SLC16A7: variants seen among roughly 807,000 people sequenced by gnomAD.
SLC16A7 encodes solute carrier family 16 member 7.
A neutral mutation model predicts 34.9 loss-of-function variants in SLC16A7; 33 were observed. The observed-to-expected ratio is 0.94, with a 90% CI of 0.72 to 1.26. The LOEUF is 1.26. Ranked by LOEUF, SLC16A7 falls within the 50% of genes most tolerant of loss-of-function variation. The pLI, the probability that SLC16A7 is intolerant of heterozygous loss-of-function variation, is 0.00. For synonymous variants in SLC16A7, 201 were observed against 206.6 expected (o/e 0.97, Z 0.23); for missense variants, 573 against 578.1 (o/e 0.99, Z 0.09).
chr12:59,654,345 T>A (rs1026774399), intron 1 of SLC16A7, among the ~76,000 whole-genome samples: 1 of 151,754 alleles, frequency 6.6e-6, no homozygotes, highest in South Asian at 2.1e-4. Flanking sequence ...CATGTTGTTG[T>A]CATTTCATTG....
intron 3 of SLC16A7, among the ~76,000 whole-genome samples, chr12:59,710,437 T>C (rs949322887): frequency 9.2e-5 from 14 of 152,138 alleles, no homozygotes; most frequent in African/African-American, 3.4e-4. Flanking sequence ...AAAACAGGGA[T>C]GAAAGGGGAC....
chr12:59,646,294 G>A lies in SLC16A7; in HGVS notation c.-129-8858G>A, dbSNP rs143444698. ...CCTGGGCTGGGCCCAGGGCCCCCCTGCTGTGTGCAGCCTCAAGACTGGATG... is the reference window on the plus strand; with the variant it reads ...CCTGGGCTGGGCCCAGGGCCCCCCTACTGTGTGCAGCCTCAAGACTGGATG... On this transcript the variant is annotated intron_variant, in intron 1 of 5. Coordinates refer to ENST00000547379, the MANE Select transcript of SLC16A7 (RefSeq NM_001270623.2). Among the ~76,000 whole-genome samples, 586 of 152,276 alleles carry A rather than the reference G, an allele frequency of 3.8e-3. 3 individuals carry two copies. The highest frequency in any genetic ancestry group is 0.013 in the African/African-American group (558 of 41,568).
At chr12:59,758,141 T>C (rs1276543004) in intron 3 of SLC16A7, among the ~76,000 whole-genome samples, 1 of 152,028 alleles carries the variant, frequency 6.6e-6, no homozygotes, top group African/African-American at 2.4e-5. Context: ...GGGTCAATTG[T>C]ATGTAATTTT....
intron 1 of SLC16A7, among the ~76,000 whole-genome samples, chr12:59,651,520 T>C (rs1868342092): frequency 6.6e-6 from 1 of 152,236 alleles, no homozygotes; most frequent in Non-Finnish European, 1.5e-5. Context: ...TACATGTAGC[T>C]GTTTGTAACA....
Position 59,776,693 on chromosome 12 carries a change from T to G in SLC16A7, c.1180+1218T>G, listed in dbSNP as rs537125010. ...TTGACCTTTTGTCTCTTCATTTTTT[T>G]TTCACTTGGTTAGGAATGTATCAGT... On this transcript the variant is annotated intron_variant, in intron 5 of 5. Coordinates refer to ENST00000547379, the MANE Select transcript of SLC16A7 (RefSeq NM_001270623.2). Among the ~76,000 whole-genome samples, 11 of 152,308 alleles carry G rather than the reference T, an allele frequency of 7.2e-5. No homozygotes were observed. The East Asian group carries it at 2.1e-3, about 29-fold the overall frequency.
Position 59,693,483 on chromosome 12 carries a change from C to T in SLC16A7, c.-30-11289C>T, listed in dbSNP as rs184108036. Among the ~76,000 whole-genome samples, 434 of 151,818 alleles carry T rather than the reference C, an allele frequency of 2.9e-3. 3 individuals carry two copies. The highest frequency in any genetic ancestry group is 4.9e-3 in the Admixed American group (75 of 15,202). The stretch of plus-strand genomic sequence containing the variant: ...ATTTTTCTCCATAGTTTAATCAACC[C>T]GTATTGATTCTAAAAGAAAAGGCAA... On this transcript the variant is annotated intron_variant, in intron 2 of 5. Transcript: ENST00000547379.
At chr12:59,621,036 G>C (rs534473876) in intron 1 of SLC16A7, among the ~76,000 whole-genome samples, 1 of 151,970 alleles carries the variant, frequency 6.6e-6, no homozygotes, top group South Asian at 2.1e-4. Context: ...ATTTTTAGCA[G>C]TGTTTTTAAA....
Position 59,779,680 on chromosome 12 carries a change from C to A in SLC16A7, c.*1C>A. On this transcript the variant is annotated 3_prime_UTR_variant, in exon 6 of 6. Transcript: ENST00000547379. The stretch of plus-strand genomic sequence containing the variant: ...CTCAGAAAGAGAAACTAACATTTAA[C>A]AAGAATCACATCTCTGATTTCAGTG... 1 of 1,602,916 alleles carries A rather than the reference C, an allele frequency of 6.2e-7. No homozygotes were observed. The highest frequency in any genetic ancestry group is 1.7e-4 in the Middle Eastern group (1 of 6,006).
intron 2 of SLC16A7, among the ~76,000 whole-genome samples, chr12:59,687,236 T>C (rs1215115896): frequency 6.6e-6 from 1 of 151,856 alleles, no homozygotes; most frequent in Non-Finnish European, 1.5e-5. Flanking sequence ...GCAGAAAATA[T>C]CTTTCAATCC....
intron 3 of SLC16A7, among the ~76,000 whole-genome samples, chr12:59,756,893 T>G (rs1295279109): frequency 7.7e-6 from 1 of 130,036 alleles, no homozygotes. Context: ...TCAGAAAATG[T>G]GGCACATATA....
chr12:59,654,103 A>G (rs1868412213), intron 1 of SLC16A7, among the ~76,000 whole-genome samples: 1 of 151,236 alleles, frequency 6.6e-6, no homozygotes, highest in African/African-American at 2.4e-5. Flanking sequence ...TAATGTTATT[A>G]TTAATAATTA....
In SLC16A7 at chr12:59,787,491, T is replaced by C. The variant is rs1010472104; in HGVS notation, c.*7812T>C. On this transcript the variant is annotated 3_prime_UTR_variant, in exon 6 of 6. Coordinates refer to ENST00000547379, the MANE Select transcript of SLC16A7 (RefSeq NM_001270623.2). Reference sequence around the variant, plus strand: ...CTGCATCTTATCTAGCTAGATACAGTCTTTCTAAACTTTCTCCTTTATTCC... The same window carrying C: ...CTGCATCTTATCTAGCTAGATACAGCCTTTCTAAACTTTCTCCTTTATTCC... 3 of 152,170 alleles carry C rather than the reference T, an allele frequency of 2.0e-5. No homozygotes were observed. The highest frequency in any genetic ancestry group is 2.9e-5 in the Non-Finnish European group (2 of 68,030). The allele number at this position is 152,170 out of a possible 1,614,324, so 9.4% of individuals were successfully genotyped here. A position where few individuals can be genotyped will look rare whatever the true frequency, so the allele number is the denominator to read the frequency against.
At chr12:59,746,044 T>C (rs1405573605) in intron 3 of SLC16A7, among the ~76,000 whole-genome samples, 1 of 152,190 alleles carries the variant, frequency 6.6e-6, no homozygotes, top group Non-Finnish European at 1.5e-5. Context: ...CAATTACGGG[T>C]TTTAAAAAGG....
At chr12:59,725,815 T>C (rs1876164531) in intron 3 of SLC16A7, among the ~76,000 whole-genome samples, 1 of 152,196 alleles carries the variant, frequency 6.6e-6, no homozygotes, top group Non-Finnish European at 1.5e-5. Flanking sequence ...ATTAGTTCCT[T>C]AGGCTTCAGA....
chr12:59,749,327 T>C (rs1041263738), intron 3 of SLC16A7, among the ~76,000 whole-genome samples: 1 of 152,184 alleles, frequency 6.6e-6, no homozygotes, highest in Non-Finnish European at 1.5e-5. Flanking sequence ...AGAACCCTTT[T>C]TCTGTATTGG....
intron 2 of SLC16A7, among the ~76,000 whole-genome samples, chr12:59,679,792 T>C (rs925351358): frequency 2.9e-4 from 44 of 152,332 alleles, no homozygotes; most frequent in African/African-American, 9.6e-4. Flanking sequence ...AACAAGACAT[T>C]AAATGCAATG....
At chr12:59,637,356 A>AT (rs2137001631) in intron 1 of SLC16A7, among the ~76,000 whole-genome samples, 1 of 152,184 alleles carries the variant, frequency 6.6e-6, no homozygotes, top group Non-Finnish European at 1.5e-5. Context: ...TCTGCTAAAT[A>AT]TTTTAAATCT....
chr12:59,699,875 T>C (rs1565656703), intron 2 of SLC16A7, among the ~76,000 whole-genome samples: 1 of 151,784 alleles, frequency 6.6e-6, no homozygotes, highest in Non-Finnish European at 1.5e-5. Context: ...CCTTCTGGTT[T>C]TAGTTTTCTC....
chr12:59,690,578 A>C (rs975530964), intron 2 of SLC16A7, among the ~76,000 whole-genome samples: 69 of 152,092 alleles, frequency 4.5e-4, no homozygotes, highest in African/African-American at 1.6e-3. Context: ...AAAAGCATAT[A>C]AACAATGATA....
Sources: gnomAD v4.1 joint callset for allele counts (sites outside exome capture counted in the v4.1 genomes callset) on GRCh38, gnomAD v4.1.1 for gene constraint, MANE v1.5 for transcripts, NCBI Gene and HGNC (gene_info 2026-07-23, HGNC 2026-07-21) for gene names.